The following EPB41L1 variants were observed in gnomAD, a reference collection of about 807,000 sequenced individuals.
EPB41L1 encodes the protein band 4.1-like protein 1.
EPB41L1 carries 29 observed loss-of-function variants against 97.8 expected under a neutral mutation model. The observed-to-expected ratio is 0.30, with a 90% CI of 0.22 to 0.40. The LOEUF (loss-of-function observed/expected upper bound fraction) is 0.40. Ranked by LOEUF, EPB41L1 falls within the 10% of genes least tolerant of loss-of-function variation. The pLI is 1.00. For missense variants in EPB41L1, 812 were observed against 1,162.3 expected (o/e 0.70, Z 4.38); for synonymous variants, 383 against 459.2 (o/e 0.83, Z 2.12).
At position 36,120,821 on chromosome 20, in the gene EPB41L1, G is replaced by A. The variant is rs976921550; in HGVS notation, c.-10+8341G>A. On this transcript the variant is annotated intron_variant, in intron 2 of 19. Coordinates refer to the EPB41L1 transcript ENST00000202028. ...GGTAAACACATGCTATGGTCTGGAT[G>A]TTAGTGTCCCCTTATAATTTATTTG... 8.5e-5 allele frequency among the ~76,000 whole-genome samples: 13 copies of A among 152,258 alleles called. 2 individuals are homozygous for A. The highest frequency in any genetic ancestry group is 6.5e-5 in the Admixed American group (1 of 15,302).
Position 36,175,688 on chromosome 20 carries a change from T to C in EPB41L1, c.315T>C (p.Asp105=). 3 of 1,614,050 alleles carry C rather than the reference T, an allele frequency of 1.9e-6. No individual in the cohort carries two copies. Among genetic ancestry groups the C allele is most frequent in the Non-Finnish European group, 8.5e-7 (1 of 1,180,018 alleles). ...KSAICRVTLL[D]ASEYECEVEK... ...CCATCTGCCGGGTCACTCTGCTTGA[T>C]GCCTCGGAGTATGAGTGTGAGGTGG... Residue 105 remains aspartate (D), a synonymous_variant, in exon 3 of 22, where the codon GAT becomes GAC. Coordinates refer to ENST00000338074, the MANE Select transcript of EPB41L1 (RefSeq NM_012156.2).
intron 1 of EPB41L1, among the ~76,000 whole-genome samples, chr20:36,106,368 CG>C (rs1190726445): frequency 2.0e-5 from 3 of 152,206 alleles, no homozygotes; most frequent in African/African-American, 7.2e-5. Flanking sequence ...GGCTGAGCCT[CG>C]GGGTAGGCCC....
intron 1 of EPB41L1, among the ~76,000 whole-genome samples, chr20:36,111,942 C>A (rs2058418690): frequency 6.6e-6 from 1 of 152,104 alleles, no homozygotes; most frequent in Non-Finnish European, 1.5e-5. Flanking sequence ...GAGGTTGGGG[C>A]CCCTGCTCTC....
rs569137996 is a variant in EPB41L1, at chr20:36,100,705, T to C, written c.-65+9093T>C. ...TCCGAAGCCCACCGGTACTCTTGAGTCTTTCCTATATGGCCTGTGACAGAG... is the reference window on the plus strand; with the variant it reads ...TCCGAAGCCCACCGGTACTCTTGAGCCTTTCCTATATGGCCTGTGACAGAG... On this transcript the variant is annotated intron_variant, in intron 1 of 19. Coordinates refer to the EPB41L1 transcript ENST00000202028. Among the ~76,000 whole-genome samples, 23 of 152,226 alleles carry C rather than the reference T, an allele frequency of 1.5e-4. No homozygotes were observed. The South Asian group carries it at 1.7e-3, about 11-fold the overall frequency.
At chr20:36,143,137 TTGTGTGTGTG>T (rs59256378) in intron 2 of EPB41L1, among the ~76,000 whole-genome samples, 1,370 of 130,804 alleles carry the variant, frequency 0.01, 9 homozygotes, top group Middle Eastern at 0.015. Flanking sequence ...GAGGGTGTGT[TTGTGTGTGTG>T]TGTGTGTGTG....
chr20:36,147,079 T>C (rs1198920250), intron 2 of EPB41L1, among the ~76,000 whole-genome samples: 1 of 152,000 alleles, frequency 6.6e-6, no homozygotes, highest in Non-Finnish European at 1.5e-5. Context: ...CCCGGGGAAG[T>C]TGAGGCTGCA....
At chr20:36,154,653 C>G (rs932300903), upstream of EPB41L1, 1 of 968,188 alleles carries the variant, frequency 1.0e-6, no homozygotes, top group African/African-American at 1.8e-5. The surrounding 1 kb of genome is among the most constrained non-coding windows in gnomAD (Gnocchi z 5.5). Flanking sequence ...GGGGGCTGGC[C>G]GCGCGTCGGG....
intron 2 of EPB41L1, chr20:36,113,841 T>A (rs1569038268): frequency 6.6e-6 from 1 of 152,360 alleles, no homozygotes; most frequent in Non-Finnish European, 1.5e-5. Flanking sequence ...TAAGGGGAGG[T>A]TGAGATCGGC....
chr20:36,092,418 G>A lies in EPB41L1; in HGVS notation c.-65+806G>A, dbSNP rs2057684845. 6.6e-6 allele frequency among the ~76,000 whole-genome samples: 1 copy of A among 152,022 alleles called. No individual in the cohort carries two copies. The highest frequency in any genetic ancestry group is 1.5e-5 in the Non-Finnish European group (1 of 67,964). On this transcript the variant is annotated intron_variant, in intron 1 of 19. Transcript: ENST00000202028. This position sits in a 1 kb window ranked among gnomAD's most constrained non-coding sequence, Gnocchi z 7.0. ...AAGCCGGCGGCGGGTCCCCAGCGCC[G>A]GGAGGGTTCGCGGGGCTCAGCCCCT...
At chr20:36,136,737 C>T (rs1007106834) in intron 2 of EPB41L1, among the ~76,000 whole-genome samples, 2 of 148,982 alleles carry the variant, frequency 1.3e-5, no homozygotes, top group African/African-American at 2.6e-5. Context: ...AGGTGCATAC[C>T]GTGGTACCTG....
At position 36,157,470 on chromosome 20, in the gene EPB41L1, C is replaced by T. The variant is rs116697791; in HGVS notation, c.-15+2574C>T. 6.8e-3 allele frequency among the ~76,000 whole-genome samples: 1,036 copies of T among 152,296 alleles called. 16 individuals carry two copies. The highest frequency in any genetic ancestry group is 0.023 in the African/African-American group (973 of 41,554). On this transcript the variant is annotated intron_variant, in intron 1 of 21. Transcript: ENST00000338074. ...AGTTACGCAGCTGGAAAGTGCGAGG[C>T]GGTCTGAGTCCAGAGCCCTTCTTTC...
intron 2 of EPB41L1, among the ~76,000 whole-genome samples, chr20:36,115,331 T>G (rs184496180): frequency 2.9e-4 from 44 of 152,284 alleles, no homozygotes; most frequent in Non-Finnish European, 5.7e-4. Context: ...TTGCCTTTGC[T>G]TGTATGCACG....
intron 1 of EPB41L1, among the ~76,000 whole-genome samples, chr20:36,101,176 G>C (rs1391200809): frequency 1.3e-5 from 2 of 152,156 alleles, no homozygotes. Context: ...TGGAAGAAGT[G>C]GGGAGGGAGG....
At position 36,188,328 on chromosome 20, in the gene EPB41L1, A is replaced by G. The variant is rs1387099728; in HGVS notation, c.874-19A>G. 4 of 1,612,602 alleles carry G rather than the reference A, an allele frequency of 2.5e-6. No individual in the cohort carries two copies. The Admixed American group carries it at 5.0e-5, about 20-fold the overall frequency. The stretch of plus-strand genomic sequence containing the variant: ...GCATGGACCCCGGGCCTCCCATTCC[A>G]TGGTCTCTTCTCATGCAGGACTCTG... On this transcript the variant is annotated intron_variant, in intron 8 of 21. Transcript: ENST00000338074.
chr20:36,171,756 C>T (rs867743230), intron 1 of EPB41L1, among the ~76,000 whole-genome samples: 2 of 152,248 alleles, frequency 1.3e-5, no homozygotes, highest in South Asian at 2.1e-4. Flanking sequence ...ACCTGGAGCA[C>T]GTGGCTAGCC....
chr20:36,180,955 G>A (rs2146094683), intron 5 of EPB41L1, among the ~76,000 whole-genome samples: 1 of 152,314 alleles, frequency 6.6e-6, no homozygotes, highest in Middle Eastern at 3.4e-3. Context: ...GACCCTGAGA[G>A]AGTGACATAA....
At chr20:36,162,395 C>T (rs1380920566) in intron 1 of EPB41L1, among the ~76,000 whole-genome samples, 1 of 152,230 alleles carries the variant, frequency 6.6e-6, no homozygotes, top group African/African-American at 2.4e-5. Flanking sequence ...GATGTAGCAG[C>T]ATTGAGTGGG....
chr20:36,142,483 TATC>T (rs1350434935), intron 2 of EPB41L1, among the ~76,000 whole-genome samples: 1 of 152,224 alleles, frequency 6.6e-6, no homozygotes, highest in African/African-American at 2.4e-5. Flanking sequence ...TTTTAAGGCT[TATC>T]ATGTACTTTT....
chr20:36,206,209 G>T lies in EPB41L1; in HGVS notation c.1669-3279G>T. ...GCTCCTCGAGGGCTCTGAGCTCAGGGCAGACACCAGAGAGGCAACCATCAG... is the reference window on the plus strand; with the variant it reads ...GCTCCTCGAGGGCTCTGAGCTCAGGTCAGACACCAGAGAGGCAACCATCAG... On this transcript the variant is annotated intron_variant, in intron 14 of 21. Transcript: ENST00000338074. The surrounding 1 kb of genome is among the most constrained non-coding windows in gnomAD (Gnocchi z 5.5). The T allele has an allele frequency of 7.8e-7, 1 of 1,289,920 alleles. No homozygotes were observed. Among genetic ancestry groups the T allele is most frequent in the Non-Finnish European group, 1.0e-6 (1 of 988,900 alleles). The allele number at this position is 1,289,920 out of a possible 1,614,324, so 79.9% of individuals were successfully genotyped here. A position where few individuals can be genotyped will look rare whatever the true frequency, so the allele number is the denominator to read the frequency against.
Sources: allele counts gnomAD v4.1 joint callset (sites outside exome capture counted in the v4.1 genomes callset), GRCh38; gene constraint gnomAD v4.1.1; non-coding constraint Gnocchi (gnomAD v3.1); transcripts MANE v1.5; gene names NCBI Gene and HGNC (gene_info 2026-07-23, HGNC 2026-07-21).